Variants in WDR33 observed in about 807,000 individuals in gnomAD.
WDR33 encodes pre-mRNA 3' end processing protein WDR33.
WDR33 carries 47 observed loss-of-function variants against 164.9 expected under a neutral mutation model. The ratio of observed to expected loss-of-function variants is 0.29; its 90% confidence interval spans 0.23 to 0.36. WDR33 has a LOEUF of 0.36. WDR33 is among the 10% of genes least tolerant of loss of function. The probability of loss-of-function intolerance (pLI) is 1.00; values close to 1 mark genes in which losing one functional copy is unlikely to be tolerated. For synonymous variants in WDR33, 505 were observed against 589.0 expected (o/e 0.86, Z 2.06); for missense variants, 1,137 against 1,754.1 (o/e 0.65, Z 6.28).
intron 1 of WDR33, among the ~76,000 whole-genome samples, chr2:127,781,989 ACT>A (rs1688387421): frequency 1.4e-5 from 2 of 139,458 alleles, no homozygotes; most frequent in Non-Finnish European, 3.1e-5. Flanking sequence ...GAAGAGCGAA[ACT>A]CTTTTTCTAA....
At chr2:127,711,920 G>C (rs908553178) in intron 18 of WDR33, among the ~76,000 whole-genome samples, 2 of 150,438 alleles carry the variant, frequency 1.3e-5, no homozygotes, top group African/African-American at 4.9e-5. Flanking sequence ...TTACAGGCAC[G>C]CACCACCATG....
intron 1 of WDR33, among the ~76,000 whole-genome samples, chr2:127,797,964 A>G (rs193240757): frequency 0.011 from 1,667 of 152,270 alleles, 14 homozygotes; most frequent in Non-Finnish European, 0.016. Context: ...CAGTAAGCCA[A>G]GATGACACCA....
chr2:127,725,477 C>T (rs1195551790), intron 8 of WDR33, among the ~76,000 whole-genome samples: 2 of 152,188 alleles, frequency 1.3e-5, no homozygotes, highest in Non-Finnish European at 2.9e-5. Flanking sequence ...TGGCTCACGC[C>T]TGTAATCCCA....
In WDR33 at chr2:127,792,561, G is replaced by A. The variant is rs574946338; in HGVS notation, c.-24+18451C>T. Reference sequence around the variant, plus strand: ...TGTGCGCCTGTAATCCCAGCTACTCGGGAGGCTGAGGCAGGAGAATCGCTT... The same window carrying A: ...TGTGCGCCTGTAATCCCAGCTACTCAGGAGGCTGAGGCAGGAGAATCGCTT... On this transcript the variant is annotated intron_variant, in intron 1 of 21. Transcript: ENST00000322313. Among the ~76,000 whole-genome samples the A allele has an allele frequency of 2.5e-4, 38 of 151,932 alleles. 2 individuals are homozygous for A. The highest frequency in any genetic ancestry group is 6.3e-4 in the African/African-American group (26 of 41,494).
At chr2:127,759,883 T>A (rs763535694) in intron 7 of WDR33, among the ~76,000 whole-genome samples, 10 of 152,138 alleles carry the variant, frequency 6.6e-5, no homozygotes, top group East Asian at 1.9e-4. Context: ...TCTATTTTTT[T>A]AAAAAAAATT....
chr2:127,762,663 C>G (rs1397010296), intron 7 of WDR33: 1 of 1,004,678 alleles, frequency 1.0e-6, no homozygotes. Flanking sequence ...GCTTTGATAC[C>G]TCTATCTTGT....
intron 7 of WDR33, among the ~76,000 whole-genome samples, chr2:127,752,176 T>G (rs1687386939): frequency 6.6e-6 from 1 of 152,248 alleles, no homozygotes; most frequent in Non-Finnish European, 1.5e-5. Flanking sequence ...GAGCTATCAC[T>G]TGTTCATCCA....
chr2:127,791,110 T>C (rs1688827093), intron 1 of WDR33, among the ~76,000 whole-genome samples: 2 of 151,810 alleles, frequency 1.3e-5, no homozygotes, highest in Non-Finnish European at 2.9e-5. Context: ...TCAAGAAAAT[T>C]GCCCTACTTC....
chr2:127,733,761 A>T (rs980422999), intron 7 of WDR33, among the ~76,000 whole-genome samples: 2 of 152,222 alleles, frequency 1.3e-5, no homozygotes, highest in Non-Finnish European at 2.9e-5. Flanking sequence ...GCCCTAAAGA[A>T]AGTGTCCCTT....
chr2:127,757,109 T>C (rs1273482212), intron 7 of WDR33, among the ~76,000 whole-genome samples: 2 of 148,338 alleles, frequency 1.3e-5, no homozygotes, highest in Admixed American at 6.7e-5. Flanking sequence ...AATCTTCACA[T>C]ACAAAAGAGT....
intron 1 of WDR33, among the ~76,000 whole-genome samples, chr2:127,772,012 A>G (rs1253423850): frequency 6.6e-6 from 1 of 152,156 alleles, no homozygotes; most frequent in Non-Finnish European, 1.5e-5. Flanking sequence ...TTTTTCTCCT[A>G]GAGATAATAT....
chr2:127,757,926 CAG>C (rs2105425585), intron 7 of WDR33, among the ~76,000 whole-genome samples: 1 of 152,272 alleles, frequency 6.6e-6, no homozygotes, highest in Admixed American at 6.5e-5. Flanking sequence ...AAGGGGCACA[CAG>C]AGACTTAACA....
Position 127,709,408 on chromosome 2 carries a change from C to T in WDR33, c.3565+82G>A, listed in dbSNP as rs987535786. On this transcript the variant is annotated intron_variant, in intron 20 of 21. Transcript: ENST00000322313. The surrounding 1 kb of genome is among the most constrained non-coding windows in gnomAD (Gnocchi z 5.0). ...AGACATGAGCTGGAAAGAGGAGACC[C>T]GGTGCACCCCAGAGAGGGCCCTCAG... is the stretch of plus-strand genomic sequence containing the variant. 8.8e-5 allele frequency: 121 copies of T among 1,367,848 alleles called. No homozygotes were observed. Among genetic ancestry groups the T allele is most frequent in the Middle Eastern group, 8.2e-4 (4 of 4,890 alleles). The allele number at this position is 1,367,848 out of a possible 1,614,324, so 84.7% of individuals were successfully genotyped here. A position where few individuals can be genotyped will look rare whatever the true frequency, so the allele number is the denominator to read the frequency against.
intron 7 of WDR33, among the ~76,000 whole-genome samples, chr2:127,759,183 T>C (rs188084381): frequency 6.6e-6 from 1 of 152,320 alleles, no homozygotes; most frequent in East Asian, 1.9e-4. Context: ...TTTGTAATGG[T>C]GGACATATAC....
rs563764155 is a variant in WDR33 at position 127,795,261 on chromosome 2, C to T, written c.-24+15751G>A. Among the ~76,000 whole-genome samples the T allele has an allele frequency of 2.6e-5, 4 of 151,724 alleles. No homozygotes were observed. In the South Asian group the frequency reaches 8.3e-4, roughly 32 times the overall value. ...GACTACAGGCGTGTACCACCATGCC[C>T]GGCTAATTTTTGTATTTTTAATAGA... On this transcript the variant is annotated intron_variant, in intron 1 of 21. Transcript: ENST00000322313.
In WDR33 at chr2:127,719,675, T is replaced by C. The variant is rs145155931; in HGVS notation, c.2350A>G (p.Met784Val). Residue 784 changes from methionine to valine, a missense_variant, in exon 16 of 22, where the codon ATG becomes GTG. Met to Val is a conservative substitution (Grantham distance 21). Around this residue, in one of 9 missense-constraint regions of WDR33, gnomAD observed 867 missense variants for 1,073.0 expected, o/e 0.81. Coordinates refer to ENST00000322313, the MANE Select transcript of WDR33 (RefSeq NM_018383.5). This position sits in a 1 kb window ranked among gnomAD's most constrained non-coding sequence, Gnocchi z 6.5. Reference sequence around the variant, plus strand: ...TCCCGGGGGCCTGGAGGCCCCTGCATTCCTCTTGGATTCAATCCCATCAGA... The same window carrying C: ...TCCCGGGGGCCTGGAGGCCCCTGCACTCCTCTTGGATTCAATCCCATCAGA... ...GPLMGLNPRGMQGPPGPRENQ... is the reference protein window; with the variant it reads ...GPLMGLNPRGVQGPPGPRENQ... 2,360 of 1,613,626 alleles carry C rather than the reference T, an allele frequency of 1.5e-3. 6 individuals carry two copies. Among genetic ancestry groups the C allele is most frequent in the Non-Finnish European group, 1.7e-3 (2,003 of 1,179,872 alleles).
rs1392250382 is a variant in WDR33 at position 127,710,598 on chromosome 2, A to G, written c.3309-742T>C. Among the ~76,000 whole-genome samples, 1 of 152,042 alleles carries G rather than the reference A, an allele frequency of 6.6e-6. No homozygotes were observed. Among genetic ancestry groups the G allele is most frequent in the African/African-American group, 2.4e-5 (1 of 41,388 alleles). ...TTAGTGAACAGCTTCCCCTTCTCTC[A>G]GGAATTTTGGAGCCAGGAGACTACA... On this transcript the variant is annotated intron_variant, in intron 18 of 21. Transcript: ENST00000322313. This position sits in a 1 kb window ranked among gnomAD's most constrained non-coding sequence, Gnocchi z 4.4.
intron 7 of WDR33, among the ~76,000 whole-genome samples, chr2:127,746,596 G>A (rs1161334775): frequency 6.6e-6 from 1 of 152,204 alleles, no homozygotes; most frequent in Non-Finnish European, 1.5e-5. Flanking sequence ...GGAGAGGCAA[G>A]CTGAGAAAGA....
Position 127,702,102 on chromosome 2 carries a change from G to T in WDR33, c.*4221C>A, listed in dbSNP as rs1043684003. ...GCTGGTTGGGCTGCTGCCCTGGGGC[G>T]GCGGCACCGCGCTGCGCCTCGCACT... On this transcript the variant is annotated 3_prime_UTR_variant, in exon 22 of 22. Coordinates refer to ENST00000322313, the MANE Select transcript of WDR33 (RefSeq NM_018383.5). 1.1e-5 allele frequency: 13 copies of T among 1,217,354 alleles called. No homozygotes were observed. In the African/African-American group the frequency reaches 1.9e-4, roughly 18 times the overall value. 75.4% of individuals were successfully genotyped at this position (1,217,354 alleles called of 1,614,324 possible).
Sources: gnomAD v4.1 joint callset for allele counts (sites outside exome capture counted in the v4.1 genomes callset) on GRCh38, gnomAD v4.1.1 for gene constraint, gnomAD v4.1.1 regional missense constraint, Gnocchi (gnomAD v3.1) non-coding constraint, MANE v1.5 for transcripts, NCBI Gene and HGNC (gene_info 2026-07-23, HGNC 2026-07-21) for gene names.